Variants in TBC1D24 observed in about 807,000 individuals in gnomAD.
TBC1D24 encodes the protein Infantile myoclonic epilepsy.
A neutral mutation model predicts 50.7 loss-of-function variants in TBC1D24; 47 were observed. The ratio of observed to expected loss-of-function variants is 0.93; its 90% confidence interval spans 0.73 to 1.18. TBC1D24 has a LOEUF of 1.18. Ranked by LOEUF, TBC1D24 falls within the 50% of genes most tolerant of loss-of-function variation. The pLI, the probability that TBC1D24 is intolerant of heterozygous loss-of-function variation, is 0.00. For synonymous variants in TBC1D24, 324 were observed against 335.2 expected (o/e 0.97, Z 0.36); for missense variants, 688 against 766.5 (o/e 0.90, Z 1.21).
rs376407288 is a variant in TBC1D24 at position 2,500,765 on chromosome 16, T to C, written c.1526-39T>C. 8 of 1,580,670 alleles carry C rather than the reference T, an allele frequency of 5.1e-6. No individual in the cohort carries two copies. Among genetic ancestry groups the C allele is most frequent in the South Asian group, 1.1e-5 (1 of 88,670 alleles). On this transcript the variant is annotated intron_variant, in intron 7 of 7. Coordinates refer to ENST00000646147, the MANE Select transcript of TBC1D24 (RefSeq NM_001199107.2). This position sits in a 1 kb window ranked among gnomAD's most constrained non-coding sequence, Gnocchi z 8.0. ...GGTGAGGTGCCTGGGTCAGTGCTGATAGGGCAGTCAGGCCGCCACTGACCT... is the reference window on the plus strand; with the variant it reads ...GGTGAGGTGCCTGGGTCAGTGCTGACAGGGCAGTCAGGCCGCCACTGACCT...
Position 2,501,793 on chromosome 16 carries a change from C to G in TBC1D24, c.*835C>G, listed in dbSNP as rs1020278219. 2 of 153,096 alleles carry G rather than the reference C, an allele frequency of 1.3e-5. No individual in the cohort carries two copies. The highest frequency in any genetic ancestry group is 2.9e-5 in the Non-Finnish European group (2 of 68,472). The allele number at this position is 153,096 out of a possible 1,614,324, so 9.5% of individuals were successfully genotyped here. ...AGAGGCCCTCAGGGACCGACCCAGACCAGCAAGCTCCATTTCCAGGGGTCT... is the reference window on the plus strand; with the variant it reads ...AGAGGCCCTCAGGGACCGACCCAGAGCAGCAAGCTCCATTTCCAGGGGTCT... On this transcript the variant is annotated 3_prime_UTR_variant, in exon 8 of 8. Coordinates refer to ENST00000646147, the MANE Select transcript of TBC1D24 (RefSeq NM_001199107.2).
At position 2,499,840 on chromosome 16, in the gene TBC1D24, T is replaced by C. The variant is rs746364200; in HGVS notation, c.1212T>C (p.Cys404=). The change falls in exon 6 of 8, where the codon TGT becomes TGC. Residue 404 remains cysteine, a synonymous_variant. Coordinates refer to ENST00000646147, the MANE Select transcript of TBC1D24 (RefSeq NM_001199107.2). This position sits in a 1 kb window ranked among gnomAD's most constrained non-coding sequence, Gnocchi z 4.0. ...CACCCAGACCTTTCCCCCAGGTGTG[T>C]GGTGCTTACCTGTCCACAGACTGGA... ...LLIKTTQKEV[C]GAYLSTDWSE... The C allele has an allele frequency of 6.2e-7, 1 of 1,613,896 alleles. No individual in the cohort carries two copies. The highest frequency in any genetic ancestry group is 8.5e-7 in the Non-Finnish European group (1 of 1,179,868).
At chr16:2,477,081 T>G (rs1314571811) in intron 1 of TBC1D24, 1 of 152,260 alleles carries the variant, frequency 6.6e-6, no homozygotes, top group Non-Finnish European at 1.5e-5. Context: ...ATGTTTTACC[T>G]GTCTGAGCAT....
intron 1 of TBC1D24, among the ~76,000 whole-genome samples, chr16:2,476,357 C>T (rs905685110): frequency 6.6e-6 from 1 of 152,056 alleles, no homozygotes; most frequent in Non-Finnish European, 1.5e-5. Flanking sequence ...TGCTCAGTTG[C>T]GGCGAAGACA....
At chr16:2,476,602 G>A (rs1344732476) in intron 1 of TBC1D24, 3 of 152,278 alleles carry the variant, frequency 2.0e-5, no homozygotes, top group Non-Finnish European at 4.4e-5. Context: ...TTAGAAGCCT[G>A]TCTTTCCCTG....
At position 2,499,826 on chromosome 16, in the gene TBC1D24, T is replaced by G; in HGVS notation, c.1207-9T>G. 6.2e-7 allele frequency: 1 copy of G among 1,613,130 alleles called. No homozygotes were observed. Among genetic ancestry groups the G allele is most frequent in the Non-Finnish European group, 8.5e-7 (1 of 1,179,188 alleles). ...TGCGGGCACAGCCTCACCCAGACCT[T>G]TCCCCCAGGTGTGTGGTGCTTACCT... is the stretch of plus-strand genomic sequence containing the variant. On this transcript the variant is annotated splice_polypyrimidine_tract_variant and intron_variant, in intron 5 of 7. Coordinates refer to ENST00000646147, the MANE Select transcript of TBC1D24 (RefSeq NM_001199107.2). The surrounding 1 kb of genome is among the most constrained non-coding windows in gnomAD (Gnocchi z 4.0).
intron 1 of TBC1D24, among the ~76,000 whole-genome samples, chr16:2,495,708 C>T (rs1007696022): frequency 2.0e-5 from 3 of 151,850 alleles, no homozygotes; most frequent in African/African-American, 7.3e-5. Flanking sequence ...GAACCAGGGG[C>T]GAGGAGGTTG....
At position 2,504,798 on chromosome 16, in the gene TBC1D24, G is replaced by A. The variant is rs771758071; in HGVS notation, c.*3840G>A. ...GTTTACTTTCTCACATTTTTACTAAGTCCAGAATATCATCAAACTCACAAA... is the reference window on the plus strand; with the variant it reads ...GTTTACTTTCTCACATTTTTACTAAATCCAGAATATCATCAAACTCACAAA... On this transcript the variant is annotated 3_prime_UTR_variant, in exon 8 of 8. Transcript: ENST00000646147. The A allele has an allele frequency of 1.4e-4, 21 of 151,836 alleles. No homozygotes were observed. Among genetic ancestry groups the A allele is most frequent in the Non-Finnish European group, 2.8e-4 (19 of 67,990 alleles). 9.4% of individuals were successfully genotyped at this position (151,836 alleles called of 1,614,324 possible).
rs34983305 is a variant in TBC1D24 at position 2,488,493 on chromosome 16, C to CTT, written c.-115-7514_-115-7513dup. Among the ~76,000 whole-genome samples, 114 of 100,734 alleles carry CTT rather than the reference C, an allele frequency of 1.1e-3. 3 individuals carry two copies. Among genetic ancestry groups the CTT allele is most frequent in the Non-Finnish European group, 1.5e-3 (78 of 51,116 alleles). 66.1% of individuals were successfully genotyped at this position (100,734 alleles called of 152,430 possible). On this transcript the variant is annotated intron_variant, in intron 1 of 7. Coordinates refer to ENST00000646147, the MANE Select transcript of TBC1D24 (RefSeq NM_001199107.2). ...ATACTCATTACTCATTCGCACATAGCTTTTTTTTTTTTTTTTTTTTTTTTT... is the reference window on the plus strand; with the variant it reads ...ATACTCATTACTCATTCGCACATAGCTTTTTTTTTTTTTTTTTTTTTTTTTTT...
chr16:2,499,998 G>A lies in TBC1D24; in HGVS notation c.1302+68G>A, dbSNP rs1012824898. 2.1e-5 allele frequency: 30 copies of A among 1,415,770 alleles called. No homozygotes were observed. The African/African-American group carries it at 2.1e-4, about 10-fold the overall frequency. 87.7% of individuals were successfully genotyped at this position (1,415,770 alleles called of 1,614,324 possible). On this transcript the variant is annotated intron_variant, in intron 6 of 7. Coordinates refer to ENST00000646147, the MANE Select transcript of TBC1D24 (RefSeq NM_001199107.2). The surrounding 1 kb of genome is among the most constrained non-coding windows in gnomAD (Gnocchi z 4.0). ...TAGCTGCATCCCTCCAGGAGCACCC[G>A]CCTGCCCTGGGGACACTGTTGGGTG...
At chr16:2,494,964 C>T (rs567037330) in intron 1 of TBC1D24, among the ~76,000 whole-genome samples, 31 of 151,636 alleles carry the variant, frequency 2.0e-4, no homozygotes, top group African/African-American at 6.8e-4. Context: ...TTGAGGCCTG[C>T]GGTTCAAGGC....
chr16:2,500,121 C>G lies in TBC1D24; in HGVS notation c.1303-147C>G, dbSNP rs546977444. On this transcript the variant is annotated intron_variant, in intron 6 of 7. Transcript: ENST00000646147. The surrounding 1 kb of genome is among the most constrained non-coding windows in gnomAD (Gnocchi z 8.0). The stretch of plus-strand genomic sequence containing the variant: ...TCCGGGGCAGGGGGCTTCATCTGCT[C>G]GAGCCACCAGCTCCCCAGCCCCTGG... The G allele has an allele frequency of 6.7e-5, 64 of 960,754 alleles. No individual in the cohort carries two copies. The African/African-American group carries it at 8.9e-4, about 13-fold the overall frequency. 59.5% of individuals were successfully genotyped at this position (960,754 alleles called of 1,614,324 possible).
At chr16:2,493,867 A>G (rs560947971) in intron 1 of TBC1D24, among the ~76,000 whole-genome samples, 1 of 152,292 alleles carries the variant, frequency 6.6e-6, no homozygotes, top group Non-Finnish European at 1.5e-5. Context: ...AGAAACACCA[A>G]CCACCCCCAC....
rs2065783220 is a variant in TBC1D24 at position 2,500,451 on chromosome 16, TC to T, written c.1488del (p.Met497CysfsTer26). The T allele has an allele frequency of 6.3e-7, 1 of 1,597,494 alleles. No individual in the cohort carries two copies. Among genetic ancestry groups the T allele is most frequent in the Non-Finnish European group, 8.5e-7 (1 of 1,172,908 alleles). ...CTTCAACCTGCCCTCCAAGACCGAG[TC>T]CATGTTCATGGCGGGGGGCAGCGAC... ...RHFNLPSKTE[S>X]MFMAGGSDCL... is the part of the protein sequence containing the mutation. On this transcript the variant is annotated frameshift_variant, in exon 7 of 8. Coordinates refer to ENST00000646147, the MANE Select transcript of TBC1D24 (RefSeq NM_001199107.2). LOFTEE classifies it high-confidence loss of function. This position sits in a 1 kb window ranked among gnomAD's most constrained non-coding sequence, Gnocchi z 8.0.
rs2065564188 is a variant in TBC1D24, at chr16:2,475,902, G to T, written c.-116+732G>T. On this transcript the variant is annotated intron_variant, in intron 1 of 7. Coordinates refer to ENST00000646147, the MANE Select transcript of TBC1D24 (RefSeq NM_001199107.2). The surrounding 1 kb of genome is among the most constrained non-coding windows in gnomAD (Gnocchi z 4.2). Reference sequence around the variant, plus strand: ...ATGGCCGTGCCCCGCAGGGAAACGCGCTGTGGCCCCCGGGTTACTGCTTGC... The same window carrying T: ...ATGGCCGTGCCCCGCAGGGAAACGCTCTGTGGCCCCCGGGTTACTGCTTGC... 6.6e-6 allele frequency among the ~76,000 whole-genome samples: 1 copy of T among 152,254 alleles called. No individual in the cohort carries two copies. Among genetic ancestry groups the T allele is most frequent in the Non-Finnish European group, 1.5e-5 (1 of 68,044 alleles).
Position 2,501,176 on chromosome 16 carries a change from GA to G in TBC1D24, c.*219del. The G allele has an allele frequency of 1.6e-6, 1 of 621,658 alleles. No homozygotes were observed. The highest frequency in any genetic ancestry group is 2.8e-6 in the Non-Finnish European group (1 of 356,758). 38.5% of individuals were successfully genotyped at this position (621,658 alleles called of 1,614,324 possible). On this transcript the variant is annotated 3_prime_UTR_variant, in exon 8 of 8. Transcript: ENST00000646147. ...TCCACCTGCATCTGGGTCAGAGCTG[GA>G]GGGCCTGCTGTGCCCCCAGCCCCAC... is the stretch of plus-strand genomic sequence containing the variant.
At position 2,501,320 on chromosome 16, in the gene TBC1D24, TG is replaced by T; in HGVS notation, c.*365del. On this transcript the variant is annotated 3_prime_UTR_variant, in exon 8 of 8. Coordinates refer to ENST00000646147, the MANE Select transcript of TBC1D24 (RefSeq NM_001199107.2). ...CTCTAGGCAGCCTGAGCCCCTGGGGTGGGAGTACAACGGCAGTGGGAACGTG... is the reference window on the plus strand; with the variant it reads ...CTCTAGGCAGCCTGAGCCCCTGGGGTGGAGTACAACGGCAGTGGGAACGTG... The T allele has an allele frequency of 3.2e-6, 1 of 313,202 alleles. No homozygotes were observed. The allele number at this position is 313,202 out of a possible 1,614,324, so 19.4% of individuals were successfully genotyped here. A position where few individuals can be genotyped will look rare whatever the true frequency, so the allele number is the denominator to read the frequency against.
Position 2,487,261 on chromosome 16 carries a change from T to A in TBC1D24, c.-115-8773T>A, listed in dbSNP as rs1447961477. On this transcript the variant is annotated intron_variant, in intron 1 of 7. Transcript: ENST00000646147. The surrounding 1 kb of genome is among the most constrained non-coding windows in gnomAD (Gnocchi z 4.1). ...CCTAGCACTTCCCCAGCTGCCGTGG[T>A]TGACAGCCTTCTCTCAAGCCGCCTC... is the stretch of plus-strand genomic sequence containing the variant. Among the ~76,000 whole-genome samples the A allele has an allele frequency of 6.6e-6, 1 of 152,168 alleles. No homozygotes were observed. Among genetic ancestry groups the A allele is most frequent in the Non-Finnish European group, 1.5e-5 (1 of 68,032 alleles).
In TBC1D24 at chr16:2,475,702, G is replaced by T. The variant is rs56267247; in HGVS notation, c.-116+532G>T. 1.3e-5 allele frequency among the ~76,000 whole-genome samples: 2 copies of T among 151,350 alleles called. No individual in the cohort carries two copies. The highest frequency in any genetic ancestry group is 2.9e-5 in the Non-Finnish European group (2 of 67,946). ...GCCCTGTCCAGTGGGGGGCCCCTCT[G>T]GGTGCGCCGTGCCAGGCGGCCGCTG... On this transcript the variant is annotated intron_variant, in intron 1 of 7. Coordinates refer to ENST00000646147, the MANE Select transcript of TBC1D24 (RefSeq NM_001199107.2). The surrounding 1 kb of genome is among the most constrained non-coding windows in gnomAD (Gnocchi z 4.2).
Sources: allele counts gnomAD v4.1 joint callset (sites outside exome capture counted in the v4.1 genomes callset), GRCh38; gene constraint gnomAD v4.1.1; non-coding constraint Gnocchi (gnomAD v3.1); transcripts MANE v1.5; gene names NCBI Gene and HGNC (gene_info 2026-07-23, HGNC 2026-07-21).